TSPAN18: variants seen among roughly 807,000 people sequenced by gnomAD.
TSPAN18 encodes tetraspanin-18.
A neutral mutation model predicts 27.3 loss-of-function variants in TSPAN18; 14 were observed. The ratio of observed to expected loss-of-function variants is 0.51; its 90% CI spans 0.34 to 0.80. The LOEUF (loss-of-function observed/expected upper bound fraction) is 0.80, where lower values mean the gene tolerates loss of function less well. Ranked by LOEUF, TSPAN18 falls within the 30% of genes least tolerant of loss-of-function variation. TSPAN18 has a pLI of 0.01. For missense variants in TSPAN18, 268 were observed against 323.9 expected (o/e 0.83, Z 1.32); for synonymous variants, 143 against 136.5 (o/e 1.05, Z -0.33).
Position 44,782,475 on chromosome 11 carries a change from A to G in TSPAN18, c.-153+17963A>G, listed in dbSNP as rs550018431. Among the ~76,000 whole-genome samples, 32 of 150,404 alleles carry G rather than the reference A, an allele frequency of 2.1e-4. 1 individual carries two copies. Among genetic ancestry groups the G allele is most frequent in the Non-Finnish European group, 3.8e-4 (26 of 67,602 alleles). On this transcript the variant is annotated intron_variant, in intron 2 of 9. Coordinates refer to ENST00000520358, the MANE Select transcript of TSPAN18 (RefSeq NM_130783.5). ...GGAGAATCACTTGAACCTAGGAGGT[A>G]GAGGTTGCAATGAGCAGAGATCATG...
At position 44,930,801 on chromosome 11, in the gene TSPAN18, G is replaced by A. The variant is rs1180079497; in HGVS notation, c.*1623G>A. 1 of 474,650 alleles carries A rather than the reference G, an allele frequency of 2.1e-6. No individual in the cohort carries two copies. The highest frequency in any genetic ancestry group is 4.4e-6 in the Non-Finnish European group (1 of 229,470). The allele number at this position is 474,650 out of a possible 1,614,324, so 29.4% of individuals were successfully genotyped here. A position where few individuals can be genotyped will look rare whatever the true frequency, so the allele number is the denominator to read the frequency against. On this transcript the variant is annotated 3_prime_UTR_variant, in exon 10 of 10. Transcript: ENST00000520358. Reference sequence around the variant, plus strand: ...AGTTTGATTAGTGATGTCTGCCACGGGCAGGGATGGAAGGAGCAGTGTGAT... The same window carrying A: ...AGTTTGATTAGTGATGTCTGCCACGAGCAGGGATGGAAGGAGCAGTGTGAT...
rs993258887 is a variant in TSPAN18, at chr11:44,806,112, G to A, written c.-153+41600G>A. ...TGTAGTGGTGCAATCTTGGCTCACT[G>A]CAACCTCCGCCTCCCGGGTTCAAGT... is the stretch of plus-strand genomic sequence containing the variant. On this transcript the variant is annotated intron_variant, in intron 2 of 9. Transcript: ENST00000520358. Among the ~76,000 whole-genome samples the A allele has an allele frequency of 2.4e-4, 35 of 145,322 alleles. 1 individual carries two copies. The highest frequency in any genetic ancestry group is 8.5e-4 in the African/African-American group (33 of 39,002).
chr11:44,846,516 C>A (rs538952936), intron 2 of TSPAN18, among the ~76,000 whole-genome samples: 4 of 152,264 alleles, frequency 2.6e-5, no homozygotes, highest in African/African-American at 9.6e-5. Context: ...GAACACTCGA[C>A]AAACGTCAAG....
chr11:44,922,266 G>C (rs1176503971), intron 8 of TSPAN18, among the ~76,000 whole-genome samples: 1 of 152,110 alleles, frequency 6.6e-6, no homozygotes, highest in Non-Finnish European at 1.5e-5. Flanking sequence ...ACAGGCACAT[G>C]CCACCATACC....
intron 3 of TSPAN18, among the ~76,000 whole-genome samples, chr11:44,872,827 TTAATATTAAG>T (rs1858231929): frequency 6.6e-6 from 1 of 152,218 alleles, no homozygotes; most frequent in Non-Finnish European, 1.5e-5. Flanking sequence ...AATATTATAG[TTAATATTAAG>T]TAATATTTAT....
intron 1 of TSPAN18, among the ~76,000 whole-genome samples, chr11:44,741,918 C>G (rs1854945976): frequency 6.6e-6 from 1 of 152,184 alleles, no homozygotes; most frequent in South Asian, 2.1e-4. Context: ...TCTCTGCTCT[C>G]TCCCCACTCC....
At chr11:44,855,531 C>T (rs1239883647) in intron 2 of TSPAN18, among the ~76,000 whole-genome samples, 1 of 151,616 alleles carries the variant, frequency 6.6e-6, no homozygotes, top group Non-Finnish European at 1.5e-5. Flanking sequence ...TTTTTTTTCC[C>T]ACTTTATAGG....
intron 2 of TSPAN18, among the ~76,000 whole-genome samples, chr11:44,792,900 C>A (rs1294656979): frequency 6.6e-6 from 1 of 152,084 alleles, no homozygotes; most frequent in Non-Finnish European, 1.5e-5. Flanking sequence ...GATGGGGAAG[C>A]CACAGGAGCT....
chr11:44,925,161 T>C (rs1399415527), intron 8 of TSPAN18, among the ~76,000 whole-genome samples: 1 of 152,240 alleles, frequency 6.6e-6, no homozygotes, highest in Non-Finnish European at 1.5e-5. Context: ...CCTTGTCATC[T>C]CTGGGCTTGA....
chr11:44,873,219 G>A (rs911527831), intron 3 of TSPAN18, among the ~76,000 whole-genome samples: 12 of 152,222 alleles, frequency 7.9e-5, no homozygotes, highest in African/African-American at 2.9e-4. Context: ...ACCCTGGGGT[G>A]GCCCAGCACT....
In TSPAN18 at chr11:44,811,125, AACACACACACACACACACAC is replaced by A. The variant is rs61153202; in HGVS notation, c.-153+46644_-153+46663del. Among the ~76,000 whole-genome samples the A allele has an allele frequency of 8.4e-3, 1,197 of 142,434 alleles. 10 individuals carry two copies. The highest frequency in any genetic ancestry group is 0.014 in the South Asian group (62 of 4,338). 93.4% of individuals were successfully genotyped at this position (142,434 alleles called of 152,430 possible). On this transcript the variant is annotated intron_variant, in intron 2 of 9. Coordinates refer to ENST00000520358, the MANE Select transcript of TSPAN18 (RefSeq NM_130783.5). ...ATCCCTAGTCAATAACTGGAGTTTT[AACACACACACACACACACAC>A]ACACACACACACACACACACACACA...
chr11:44,737,849 C>T (rs1173597122), intron 1 of TSPAN18, among the ~76,000 whole-genome samples: 2 of 152,016 alleles, frequency 1.3e-5, no homozygotes, highest in Non-Finnish European at 2.9e-5. Flanking sequence ...TTTTTCCTCC[C>T]TCTTTAGTTA....
chr11:44,913,827 G>A (rs1463389375), intron 5 of TSPAN18, among the ~76,000 whole-genome samples: 1 of 152,252 alleles, frequency 6.6e-6, no homozygotes, highest in East Asian at 1.9e-4. Flanking sequence ...TAGGCAAATG[G>A]GATGCAAACC....
In TSPAN18 at chr11:44,919,228, CT is replaced by C. The variant is rs758184552; in HGVS notation, c.350del (p.Phe117SerfsTer26). 3 of 1,614,090 alleles carry C rather than the reference CT, an allele frequency of 1.9e-6. No individual in the cohort carries two copies. The highest frequency in any genetic ancestry group is 2.5e-6 in the Non-Finnish European group (3 of 1,179,980). On this transcript the variant is annotated frameshift_variant, in exon 7 of 10. Coordinates refer to ENST00000520358, the MANE Select transcript of TSPAN18 (RefSeq NM_130783.5). LOFTEE classifies it high-confidence loss of function. ...TCTGCCCCCAGCTCACCCGAGAATT[CT>C]TCACCAAGGAGCTCACCAAGCACTA... is the stretch of plus-strand genomic sequence containing the variant. The part of the protein sequence containing the change: ...IFRENLTREF[F>X]TKELTKHYQG...
At position 44,824,896 on chromosome 11, in the gene TSPAN18, G is replaced by A. The variant is rs116230589; in HGVS notation, c.-152-35432G>A. On this transcript the variant is annotated intron_variant, in intron 2 of 9. Transcript: ENST00000520358. ...AGATGTTGACTGGCACCAGCCAAAG[G>A]CTTCGCTTGGGGCTGAGAATGTAAA... 3.2e-3 allele frequency among the ~76,000 whole-genome samples: 494 copies of A among 152,302 alleles called. 7 individuals are homozygous for A. The highest frequency in any genetic ancestry group is 0.011 in the African/African-American group (477 of 41,566).
intron 1 of TSPAN18, among the ~76,000 whole-genome samples, chr11:44,740,252 G>A (rs1854901100): frequency 6.6e-6 from 1 of 152,220 alleles, no homozygotes; most frequent in Admixed American, 6.5e-5. Flanking sequence ...GGGACCCTTT[G>A]GGGAGGATGT....
chr11:44,908,781 A>G (rs1464396246), intron 4 of TSPAN18, among the ~76,000 whole-genome samples: 7 of 116,946 alleles, frequency 6.0e-5, no homozygotes, highest in African/African-American at 2.6e-4. Flanking sequence ...GAAAGAAAGA[A>G]AGAAAGAAAG....
chr11:44,876,712 A>C (rs1269432917), intron 3 of TSPAN18, among the ~76,000 whole-genome samples: 4 of 152,228 alleles, frequency 2.6e-5, no homozygotes, highest in Admixed American at 2.6e-4. Flanking sequence ...CTTGTTGTAA[A>C]AAATAGAAAT....
At chr11:44,819,436 C>T (rs1284507690) in intron 2 of TSPAN18, among the ~76,000 whole-genome samples, 5 of 152,086 alleles carry the variant, frequency 3.3e-5, no homozygotes, top group South Asian at 2.1e-4. Flanking sequence ...GTGGACTGTG[C>T]GCATGTGCAT....
Sources: gnomAD v4.1 joint callset for allele counts (sites outside exome capture counted in the v4.1 genomes callset) on GRCh38, gnomAD v4.1.1 for gene constraint, MANE v1.5 for transcripts, NCBI Gene and HGNC (gene_info 2026-07-23, HGNC 2026-07-21) for gene names.